Variants in VRK2 observed in about 807,000 individuals in gnomAD.
VRK2 encodes the protein serine/threonine-protein kinase VRK2.
A neutral mutation model predicts 57.6 loss-of-function variants in VRK2; 60 were observed. That is an observed-to-expected ratio of 1.04 (90% CI 0.85 to 1.29). The LOEUF is 1.29. VRK2 is among the 50% of genes most tolerant of loss of function. The pLI is 0.00. For synonymous variants in VRK2, 231 were observed against 199.2 expected, an observed-to-expected ratio of 1.16 and a Z score of -1.35; for missense variants, 705 against 588.1, an observed-to-expected ratio of 1.20 and a Z score of -2.06.
At chr2:58,029,173 A>G (rs1400872154) in intron 2 of VRK2, among the ~76,000 whole-genome samples, 3 of 151,930 alleles carry the variant, frequency 2.0e-5, no homozygotes, top group Non-Finnish European at 2.9e-5. Context: ...AAAGAGTTCT[A>G]TGAAAACTGA....
chr2:58,006,013 CCT>C (rs1175154539), intron 1 of VRK2, among the ~76,000 whole-genome samples: 1 of 152,166 alleles, frequency 6.6e-6, no homozygotes, highest in Non-Finnish European at 1.5e-5. Flanking sequence ...CACCCCACCA[CCT>C]CTCTTTGCTT....
chr2:57,917,894 AT>A (rs1330198390), intron 1 of VRK2, among the ~76,000 whole-genome samples: 1 of 152,030 alleles, frequency 6.6e-6, no homozygotes, highest in African/African-American at 2.4e-5. Flanking sequence ...TAATCTTGTT[AT>A]TTTACAATCA....
intron 1 of VRK2, among the ~76,000 whole-genome samples, chr2:57,944,220 G>C (rs1239222298): frequency 6.6e-6 from 1 of 152,122 alleles, no homozygotes; most frequent in African/African-American, 2.4e-5. Flanking sequence ...CCATGTGTGG[G>C]GTTATGAACT....
At position 58,138,522 on chromosome 2, in the gene VRK2, T is replaced by C. The variant is rs544939202; in HGVS notation, c.857-1144T>C. On this transcript the variant is annotated intron_variant, in intron 10 of 12. Coordinates refer to ENST00000340157, the MANE Select transcript of VRK2 (RefSeq NM_006296.7). ...TGTACTATATGGTGAAAGTGGTCAC[T>C]CTTAACTTTAATAGGGGGAAAGCGA... 4.8e-4 allele frequency among the ~76,000 whole-genome samples: 73 copies of C among 152,192 alleles called. 1 individual carries two copies. Among genetic ancestry groups the C allele is most frequent in the Non-Finnish European group, 9.8e-4 (67 of 68,034 alleles).
At chr2:58,047,594 G>C (rs1335751804) in intron 1 of VRK2, 1 of 389,528 alleles carries the variant, frequency 2.6e-6, no homozygotes, top group Non-Finnish European at 3.5e-6. Flanking sequence ...ACACTTTGGA[G>C]ACTTTAAGTT....
intron 8 of VRK2, among the ~76,000 whole-genome samples, chr2:58,131,135 C>T (rs748048658): frequency 9.2e-5 from 14 of 151,768 alleles, no homozygotes; most frequent in Admixed American, 6.6e-4. Flanking sequence ...CCATTGCCTC[C>T]GTTTTATATA....
chr2:58,061,670 G>A (rs567327284), intron 2 of VRK2, among the ~76,000 whole-genome samples: 1 of 152,056 alleles, frequency 6.6e-6, no homozygotes, highest in South Asian at 2.1e-4. Context: ...TGTATATAGG[G>A]TAAAAGGTTA....
intron 7 of VRK2, among the ~76,000 whole-genome samples, chr2:58,119,314 A>T (rs1478394136): frequency 6.6e-6 from 1 of 151,060 alleles, no homozygotes; most frequent in South Asian, 2.1e-4. Context: ...CCTGGCTAAC[A>T]TGGTGAAACC....
chr2:58,065,713 A>G (rs1034280627), intron 2 of VRK2, among the ~76,000 whole-genome samples: 1 of 152,130 alleles, frequency 6.6e-6, no homozygotes, highest in African/African-American at 2.4e-5. Flanking sequence ...CATTTCTACT[A>G]TGTAAAGTCA....
intron 1 of VRK2, among the ~76,000 whole-genome samples, chr2:57,987,249 C>T (rs1672625647): frequency 6.6e-6 from 1 of 151,868 alleles, no homozygotes; most frequent in African/African-American, 2.4e-5. Context: ...AAAATCTATG[C>T]AAATTATGTA....
intron 7 of VRK2, among the ~76,000 whole-genome samples, chr2:58,113,947 G>C (rs543256000): frequency 6.2e-4 from 94 of 152,260 alleles, no homozygotes; most frequent in Non-Finnish European, 1.1e-3. Context: ...GTGGTATGGA[G>C]AGAGAATGGG....
intron 1 of VRK2, among the ~76,000 whole-genome samples, chr2:57,949,454 C>T (rs2103973384): frequency 6.6e-6 from 1 of 152,190 alleles, no homozygotes; most frequent in South Asian, 2.1e-4. Flanking sequence ...GATCTGTGAT[C>T]AGTGATCTTT....
intron 1 of VRK2, among the ~76,000 whole-genome samples, chr2:57,990,451 A>G (rs1672728420): frequency 6.6e-6 from 1 of 152,192 alleles, no homozygotes; most frequent in Admixed American, 6.5e-5. Context: ...ATTCAGGGTA[A>G]ATATTGTCCA....
chr2:57,985,345 G>A (rs539720804), intron 1 of VRK2, among the ~76,000 whole-genome samples: 1 of 151,998 alleles, frequency 6.6e-6, no homozygotes, highest in Non-Finnish European at 1.5e-5. Flanking sequence ...TCAAAACTTA[G>A]AATTAATAAA....
chr2:58,089,603 A>G, intron 6 of VRK2, 28 bp from the exon 7 acceptor site: 2 of 1,438,724 alleles, frequency 1.4e-6, no homozygotes, highest in Non-Finnish European at 1.9e-6. Flanking sequence ...ATAGCAGTAA[A>G]CCTTATTTTA....
At chr2:58,067,862 G>T (rs1194946253) in intron 2 of VRK2, among the ~76,000 whole-genome samples, 2 of 151,460 alleles carry the variant, frequency 1.3e-5, no homozygotes, top group Admixed American at 1.3e-4. Context: ...AAATTTCCTT[G>T]TGTAACTTTT....
chr2:58,155,571 T>C (rs552146374), intron 12 of VRK2, among the ~76,000 whole-genome samples: 1 of 152,222 alleles, frequency 6.6e-6, no homozygotes, highest in South Asian at 2.1e-4. Context: ...ACAATTTCCC[T>C]AACACCCAGT....
chr2:58,120,706 T>G (rs969726227), intron 7 of VRK2, among the ~76,000 whole-genome samples: 1 of 152,194 alleles, frequency 6.6e-6, no homozygotes. Flanking sequence ...TAAAAATTCT[T>G]TTCTTTCCCT....
At chr2:57,920,537 C>T (rs1670307412) in intron 1 of VRK2, among the ~76,000 whole-genome samples, 1 of 152,032 alleles carries the variant, frequency 6.6e-6, no homozygotes, top group South Asian at 2.1e-4. Context: ...TTATTATGTG[C>T]TTGTCAGGCT....
Sources: gnomAD v4.1 joint callset for allele counts (sites outside exome capture counted in the v4.1 genomes callset) on GRCh38, gnomAD v4.1.1 for gene constraint, MANE v1.5 for transcripts, NCBI Gene and HGNC (gene_info 2026-07-23, HGNC 2026-07-21) for gene names.